Variants in TRAPPC9 observed in about 807,000 individuals in gnomAD.
TRAPPC9 encodes trafficking protein particle complex subunit 9.
A neutral mutation model predicts 124.0 loss-of-function variants in TRAPPC9; 83 were observed. The observed-to-expected ratio is 0.67, with a 90% CI of 0.56 to 0.80. The LOEUF is 0.80. TRAPPC9 is among the 30% of genes least tolerant of loss of function. The pLI is 0.00. For missense variants in TRAPPC9, 1,302 were observed against 1,508.3 expected (o/e 0.86, Z 2.27); for synonymous variants, 638 against 617.5 (o/e 1.03, Z -0.49).
chr8:139,857,118 C>T (rs1242632511), intron 21 of TRAPPC9, among the ~76,000 whole-genome samples: 1 of 152,114 alleles, frequency 6.6e-6, no homozygotes, highest in African/African-American at 2.4e-5. Flanking sequence ...AGAAGGAAAG[C>T]ATGTGTGAAG....
intron 14 of TRAPPC9, among the ~76,000 whole-genome samples, chr8:140,280,681 G>A (rs1056319621): frequency 5.3e-5 from 8 of 151,880 alleles, no homozygotes; most frequent in East Asian, 1.9e-4. Context: ...TGATCCGCCC[G>A]CCTCTGCCTC....
intron 18 of TRAPPC9, among the ~76,000 whole-genome samples, chr8:139,990,581 A>G (rs1587429990): frequency 6.7e-6 from 1 of 150,248 alleles, no homozygotes; most frequent in Non-Finnish European, 1.5e-5. Flanking sequence ...GGAACATGTC[A>G]CCATTTCTTT....
intron 17 of TRAPPC9, among the ~76,000 whole-genome samples, chr8:140,058,348 G>A (rs1050693025): frequency 5.9e-5 from 9 of 152,168 alleles, no homozygotes; most frequent in Non-Finnish European, 1.2e-4. Flanking sequence ...ACCCACTGGC[G>A]AAATTTCCTC....
chr8:140,054,421 AC>A (rs1202731982), intron 17 of TRAPPC9, among the ~76,000 whole-genome samples: 1 of 152,228 alleles, frequency 6.6e-6, no homozygotes, highest in Non-Finnish European at 1.5e-5. Flanking sequence ...GGAAAGCAGT[AC>A]TAAGAGAGAA....
chr8:139,732,272 C>T (rs539694307), intron 21 of TRAPPC9, 70 bp from the exon 22 acceptor site: 24 of 1,375,246 alleles, frequency 1.7e-5, no homozygotes, highest in South Asian at 1.3e-4. Context: ...CCCACCCACT[C>T]GCTGATTCAT....
At chr8:140,398,156 C>A (rs1198521321) in intron 6 of TRAPPC9, among the ~76,000 whole-genome samples, 2 of 152,232 alleles carry the variant, frequency 1.3e-5, no homozygotes. Context: ...CTTCCCCAGC[C>A]ACACAGAACT....
chr8:139,834,557 C>T (rs749218303), intron 21 of TRAPPC9, among the ~76,000 whole-genome samples: 163 of 152,248 alleles, frequency 1.1e-3, no homozygotes, highest in Non-Finnish European at 1.6e-3. Flanking sequence ...GCAGGGAAGC[C>T]GCCCTCCATG....
At position 139,729,066 on chromosome 8, in the gene TRAPPC9, T is replaced by C. The variant is rs1817681280; in HGVS notation, c.*1995A>G. On this transcript the variant is annotated 3_prime_UTR_variant, in exon 23 of 23. Transcript: ENST00000438773. ...TGTGTGTACCTGTATCTTGATCTAT[T>C]GTGCTTTTGAAAGGAAAGTACGTAC... Among the ~76,000 whole-genome samples the C allele has an allele frequency of 1.3e-5, 2 of 152,346 alleles. No homozygotes were observed. Among genetic ancestry groups the C allele is most frequent in the South Asian group, 4.1e-4 (2 of 4,830 alleles).
chr8:140,369,271 C>G (rs1165742460), intron 8 of TRAPPC9, among the ~76,000 whole-genome samples: 1 of 152,108 alleles, frequency 6.6e-6, no homozygotes, highest in African/African-American at 2.4e-5. Context: ...ACCACAGACA[C>G]GTAAGTTAGA....
intron 20 of TRAPPC9, among the ~76,000 whole-genome samples, chr8:139,909,521 C>T (rs58431353): frequency 0.28 from 42,641 of 152,100 alleles, 6,156 homozygotes; most frequent in East Asian, 0.39. Context: ...AAATGCCTTG[C>T]AAAATGCCTG....
chr8:139,858,534 A>G (rs573834222), intron 21 of TRAPPC9, among the ~76,000 whole-genome samples: 15 of 152,208 alleles, frequency 9.9e-5, no homozygotes, highest in Non-Finnish European at 1.5e-4. Flanking sequence ...ACTGACTCAC[A>G]TCTTCTCTGC....
chr8:140,275,658 C>T lies in TRAPPC9; in HGVS notation c.2278G>A (p.Glu760Lys), dbSNP rs749556580. 1.2e-6 allele frequency: 2 copies of T among 1,613,936 alleles called. No homozygotes were observed. The highest frequency in any genetic ancestry group is 1.7e-5 in the Admixed American group (1 of 60,008). ...GGTCAAAGCTGCTTACAATACCTAC[C>T]TTTAGTGGTGAGAACTTTCGAGGTG... ...EVTSKVLTTK[E>K]KLYGDFLSWK... Residue 760 changes from glutamate to lysine, a missense_variant and splice_region_variant, in exon 15 of 23, where the codon GAA becomes AAA. This residue lies in a region of TRAPPC9 where 640 missense variants were observed against 679.3 expected (regional missense o/e 0.94). Coordinates refer to ENST00000438773, the MANE Select transcript of TRAPPC9 (RefSeq NM_001160372.4).
At chr8:140,390,567 A>T (rs2068897258) in intron 7 of TRAPPC9, among the ~76,000 whole-genome samples, 1 of 152,144 alleles carries the variant, frequency 6.6e-6, no homozygotes, top group Non-Finnish European at 1.5e-5. Context: ...CTGAAACTCC[A>T]GCCTAAGGAC....
At chr8:139,800,998 C>T (rs1417295625) in intron 21 of TRAPPC9, among the ~76,000 whole-genome samples, 6 of 142,880 alleles carry the variant, frequency 4.2e-5, no homozygotes, top group Non-Finnish European at 6.1e-5. Context: ...CGCTCTGGCA[C>T]CTTCCCTCCC....
intron 19 of TRAPPC9, among the ~76,000 whole-genome samples, chr8:139,964,567 C>T (rs1005044718): frequency 6.6e-6 from 1 of 152,188 alleles, no homozygotes; most frequent in Non-Finnish European, 1.5e-5. Context: ...GGCATCAGGG[C>T]TTTCGGTATC....
intron 17 of TRAPPC9, among the ~76,000 whole-genome samples, chr8:140,107,236 T>G (rs2060683616): frequency 6.6e-6 from 1 of 152,214 alleles, no homozygotes; most frequent in Non-Finnish European, 1.5e-5. Flanking sequence ...CTCTGAAGTC[T>G]CAGAGCACTT....
chr8:140,429,543 T>C (rs984969727), intron 4 of TRAPPC9, among the ~76,000 whole-genome samples: 4 of 152,186 alleles, frequency 2.6e-5, no homozygotes, highest in Admixed American at 1.3e-4. Flanking sequence ...AAGGGTTAAA[T>C]TGGTGTATAT....
intron 16 of TRAPPC9, among the ~76,000 whole-genome samples, chr8:140,245,987 C>T (rs983150474): frequency 8.5e-5 from 13 of 152,232 alleles, no homozygotes; most frequent in African/African-American, 3.1e-4. Context: ...TAAAGAGAGA[C>T]TCCCCTCATC....
At chr8:140,386,392 G>T (rs548699843) in intron 7 of TRAPPC9, among the ~76,000 whole-genome samples, 151 of 152,318 alleles carry the variant, frequency 9.9e-4, no homozygotes, top group Non-Finnish European at 1.8e-3. Flanking sequence ...GTTTGCAGAT[G>T]ACATGATTGT....
Sources: gnomAD v4.1 joint callset for allele counts (sites outside exome capture counted in the v4.1 genomes callset) on GRCh38, gnomAD v4.1.1 for gene constraint, gnomAD v4.1.1 regional missense constraint, MANE v1.5 for transcripts, NCBI Gene and HGNC (gene_info 2026-07-23, HGNC 2026-07-21) for gene names.